The following SGCZ variants were observed in gnomAD, a reference collection of about 807,000 sequenced individuals.
The protein encoded by SGCZ is sarcoglycan zeta.
A neutral mutation model predicts 41.3 loss-of-function variants in SGCZ; 40 were observed. That is an observed-to-expected ratio of 0.97 (90% CI 0.75 to 1.26). The LOEUF is 1.26. SGCZ is among the 50% of genes most tolerant of loss of function. SGCZ has a pLI of 0.00. For missense variants in SGCZ, 552 were observed against 369.8 expected (o/e 1.49, Z -4.04); for synonymous variants, 206 against 137.5 (o/e 1.50, Z -3.49).
chr8:14,514,882 T>C (rs1402742557), intron 2 of SGCZ, among the ~76,000 whole-genome samples: 1 of 149,944 alleles, frequency 6.7e-6, no homozygotes, highest in African/African-American at 2.4e-5. Context: ...TACGAAAATA[T>C]TACTTTATTT....
intron 1 of SGCZ, among the ~76,000 whole-genome samples, chr8:14,621,760 G>A (rs1585131967): frequency 6.6e-6 from 1 of 152,148 alleles, no homozygotes; most frequent in African/African-American, 2.4e-5. Context: ...CCACTCCCAT[G>A]ATCCCATCAC....
At chr8:15,109,409 T>C (rs188544920) in intron 1 of SGCZ, among the ~76,000 whole-genome samples, 97 of 152,242 alleles carry the variant, frequency 6.4e-4, no homozygotes, top group Non-Finnish European at 9.6e-4. Flanking sequence ...ATTTCAAGTA[T>C]AGCTGAGCAT....
chr8:14,160,886 A>G (rs1019590072), intron 5 of SGCZ, among the ~76,000 whole-genome samples: 1 of 152,216 alleles, frequency 6.6e-6, no homozygotes, highest in African/African-American at 2.4e-5. Context: ...GTCTAAATGA[A>G]TCCATCCACT....
At chr8:14,189,698 G>C (rs975629312) in intron 4 of SGCZ, among the ~76,000 whole-genome samples, 5 of 152,148 alleles carry the variant, frequency 3.3e-5, no homozygotes, top group Admixed American at 3.3e-4. Flanking sequence ...GGCCTTACCT[G>C]ACCATGATAT....
chr8:14,309,621 G>C (rs1299980442), intron 3 of SGCZ: 19 of 1,610,696 alleles, frequency 1.2e-5, no homozygotes, highest in Non-Finnish European at 1.6e-5. Flanking sequence ...TCAGTCCCAC[G>C]CAGACACAGC....
intron 1 of SGCZ, among the ~76,000 whole-genome samples, chr8:15,155,821 T>C (rs966653761): frequency 9.2e-5 from 14 of 151,916 alleles, no homozygotes; most frequent in African/African-American, 3.4e-4. Context: ...ACTTTGGGAG[T>C]CTGAGGCAGG....
chr8:14,293,201 C>T lies in SGCZ; in HGVS notation c.336+30902G>A, dbSNP rs541075804. ...TATGTGATAAATCACAATTTAGCAACATACACGTAACAAAGATGACAGAAA... is the reference window on the plus strand; with the variant it reads ...TATGTGATAAATCACAATTTAGCAATATACACGTAACAAAGATGACAGAAA... On this transcript the variant is annotated intron_variant, in intron 3 of 7. Transcript: ENST00000382080. Among the ~76,000 whole-genome samples the T allele has an allele frequency of 9.2e-5, 14 of 152,078 alleles. No homozygotes were observed. In the South Asian group the frequency reaches 1.0e-3, roughly 11 times the overall value.
chr8:15,012,928 T>C (rs375753628), intron 1 of SGCZ, among the ~76,000 whole-genome samples: 20 of 151,794 alleles, frequency 1.3e-4, no homozygotes, highest in African/African-American at 4.4e-4. Flanking sequence ...CATGTACTGG[T>C]GAATGATCAG....
At chr8:15,187,629 T>A (rs1452822498) in intron 1 of SGCZ, among the ~76,000 whole-genome samples, 1 of 152,018 alleles carries the variant, frequency 6.6e-6, no homozygotes, top group Non-Finnish European at 1.5e-5. Context: ...ATAATAACTT[T>A]TAGGCACATT....
chr8:14,144,313 A>T (rs1250530923), intron 5 of SGCZ, among the ~76,000 whole-genome samples: 1 of 152,174 alleles, frequency 6.6e-6, no homozygotes, highest in African/African-American at 2.4e-5. Context: ...TCATAGTCAG[A>T]GTCATGAGGA....
intron 3 of SGCZ, among the ~76,000 whole-genome samples, chr8:14,308,356 G>T (rs1801414215): frequency 6.6e-6 from 1 of 152,084 alleles, no homozygotes; most frequent in Non-Finnish European, 1.5e-5. Context: ...GAAGAAATGT[G>T]CTGTAAAAAA....
At chr8:15,040,324 G>A (rs1804045583) in intron 1 of SGCZ, among the ~76,000 whole-genome samples, 2 of 152,102 alleles carry the variant, frequency 1.3e-5, no homozygotes, top group South Asian at 4.1e-4. Flanking sequence ...TTTTTAAAAA[G>A]TGATTTCGTT....
intron 4 of SGCZ, among the ~76,000 whole-genome samples, chr8:14,233,968 C>T (rs1806665578): frequency 6.6e-6 from 1 of 151,774 alleles, no homozygotes; most frequent in South Asian, 2.1e-4. Flanking sequence ...CAGCTTTATT[C>T]TAAGAAGAGA....
chr8:14,221,273 G>A (rs555480379), intron 4 of SGCZ, among the ~76,000 whole-genome samples: 8 of 152,286 alleles, frequency 5.3e-5, no homozygotes, highest in Admixed American at 3.3e-4. Flanking sequence ...GAAAGCATAC[G>A]TTGAAAGACA....
intron 2 of SGCZ, among the ~76,000 whole-genome samples, chr8:14,434,922 C>A (rs571297129): frequency 6.6e-6 from 1 of 152,062 alleles, no homozygotes; most frequent in Non-Finnish European, 1.5e-5. Flanking sequence ...CAAGTCCTCA[C>A]CAGACACCAC....
chr8:14,745,175 C>T (rs1380711111), intron 1 of SGCZ, among the ~76,000 whole-genome samples: 3 of 151,700 alleles, frequency 2.0e-5, no homozygotes, highest in African/African-American at 7.3e-5. Context: ...TGTGCAACAT[C>T]ACTTCATTTT....
At chr8:14,656,116 C>T (rs1440796731) in intron 1 of SGCZ, among the ~76,000 whole-genome samples, 2 of 151,966 alleles carry the variant, frequency 1.3e-5, no homozygotes, top group Non-Finnish European at 2.9e-5. Context: ...GGAAAATTCC[C>T]AGGAGTGCAA....
At chr8:14,551,541 TAA>T (rs1563404656) in intron 2 of SGCZ, among the ~76,000 whole-genome samples, 596 of 15,398 alleles carry the variant, frequency 0.039, 60 homozygotes, top group African/African-American at 0.14. Context: ...ATAATATATA[TAA>T]TATATATAAT....
intron 2 of SGCZ, among the ~76,000 whole-genome samples, chr8:14,377,986 A>T (rs1804199553): frequency 6.7e-6 from 1 of 149,798 alleles, no homozygotes; most frequent in South Asian, 2.1e-4. Flanking sequence ...GCCGCAATAA[A>T]CATACGTGTG....
Sources: gnomAD v4.1 joint callset for allele counts (sites outside exome capture counted in the v4.1 genomes callset) on GRCh38, gnomAD v4.1.1 for gene constraint, MANE v1.5 for transcripts, NCBI Gene and HGNC (gene_info 2026-07-23, HGNC 2026-07-21) for gene names.